Variants in GRID1 observed in about 807,000 individuals in gnomAD.
GRID1 encodes the protein glutamate receptor ionotropic, delta-1.
Under a neutral mutation model 98.0 loss-of-function variants are expected in GRID1, and 28 were observed. The ratio of observed to expected loss-of-function variants is 0.29; its 90% CI spans 0.21 to 0.39. The LOEUF (loss-of-function observed/expected upper bound fraction) is 0.39, where lower values mean the gene tolerates loss of function less well. Ranked by LOEUF, GRID1 falls within the 10% of genes least tolerant of loss-of-function variation. GRID1 has a pLI of 1.00. For synonymous variants in GRID1, 553 were observed against 538.5 expected, an observed-to-expected ratio of 1.03 and a Z score of -0.37; for missense variants, 1,111 against 1,340.5, an observed-to-expected ratio of 0.83 and a Z score of 2.67.
chr10:86,142,696 C>T (rs531255795), intron 3 of GRID1, among the ~76,000 whole-genome samples: 1 of 152,362 alleles, frequency 6.6e-6, no homozygotes, highest in East Asian at 1.9e-4. Context: ...TGCACGTTTA[C>T]ATAAGCATGT....
At chr10:85,758,732 C>G (rs184581292) in intron 8 of GRID1, among the ~76,000 whole-genome samples, 1 of 152,268 alleles carries the variant, frequency 6.6e-6, no homozygotes, top group East Asian at 1.9e-4. Context: ...AGAATAGTAG[C>G]TCACCACAGC....
At position 85,723,056 on chromosome 10, in the gene GRID1, G is replaced by A. The variant is rs752501900; in HGVS notation, c.1944C>T (p.Tyr648=). Reference sequence around the variant, plus strand: ...TGAGGAAGGCAGCAAGGTTGGCTGTGTAGGAGGAGCACACAATGAGCGTGA... The same window carrying A: ...TGAGGAAGGCAGCAAGGTTGGCTGTATAGGAGGAGCACACAATGAGCGTGA... The part of the protein sequence containing the change: ...WLFTLIVCSS[Y]TANLAAFLTV... Residue 648 remains tyrosine (Y), a synonymous_variant, in exon 12 of 16, where the codon TAC becomes TAT. Transcript: ENST00000327946. The A allele has an allele frequency of 1.9e-6, 3 of 1,612,868 alleles. No homozygotes were observed. Among genetic ancestry groups the A allele is most frequent in the African/African-American group, 2.7e-5 (2 of 75,058 alleles).
intron 4 of GRID1, among the ~76,000 whole-genome samples, chr10:86,133,899 G>A (rs1041366263): frequency 6.6e-6 from 1 of 152,222 alleles, no homozygotes; most frequent in Non-Finnish European, 1.5e-5. Flanking sequence ...AGAAGGAGCA[G>A]CAACTCTTCT....
intron 2 of GRID1, among the ~76,000 whole-genome samples, chr10:86,226,181 G>A (rs1363174660): frequency 3.3e-5 from 5 of 151,888 alleles, no homozygotes; most frequent in Admixed American, 6.6e-5. Flanking sequence ...CCTGTTTCCC[G>A]CACAGACCTA....
intron 2 of GRID1, among the ~76,000 whole-genome samples, chr10:86,286,002 A>G (rs565678223): frequency 6.6e-6 from 1 of 152,336 alleles, no homozygotes; most frequent in African/African-American, 2.4e-5. Context: ...TGGTATAAGT[A>G]TAGGTGAGAT....
intron 8 of GRID1, among the ~76,000 whole-genome samples, chr10:85,739,769 T>A (rs1271289032): frequency 6.6e-6 from 1 of 152,126 alleles, no homozygotes; most frequent in African/African-American, 2.4e-5. Flanking sequence ...TAACTGCAAA[T>A]AGCTCCATGG....
chr10:86,142,037 T>C (rs1200882380), intron 3 of GRID1, among the ~76,000 whole-genome samples: 1 of 152,190 alleles, frequency 6.6e-6, no homozygotes, highest in Non-Finnish European at 1.5e-5. Flanking sequence ...GTTGAAAAAG[T>C]GTTTGTGCAT....
At chr10:86,250,252 A>T (rs1279820657) in intron 2 of GRID1, among the ~76,000 whole-genome samples, 1 of 152,188 alleles carries the variant, frequency 6.6e-6, no homozygotes, top group East Asian at 1.9e-4. Context: ...TGTTCCAGGC[A>T]TTCAAGGTGG....
intron 10 of GRID1, among the ~76,000 whole-genome samples, chr10:85,725,201 GT>G (rs1316804839): frequency 6.6e-6 from 1 of 152,122 alleles, no homozygotes; most frequent in African/African-American, 2.4e-5. Context: ...CTACAACTAT[GT>G]TAGACCTCAT....
intron 3 of GRID1, among the ~76,000 whole-genome samples, chr10:86,150,335 C>T (rs1845147283): frequency 6.6e-6 from 1 of 152,152 alleles, no homozygotes; most frequent in Admixed American, 6.5e-5. Context: ...GTGAGGAAGG[C>T]TAACCATACC....
intron 4 of GRID1, among the ~76,000 whole-genome samples, chr10:86,102,712 A>G (rs946560634): frequency 2.6e-5 from 4 of 152,208 alleles, no homozygotes; most frequent in African/African-American, 9.6e-5. Context: ...GCCATGTGGA[A>G]CCGTGAATCT....
intron 3 of GRID1, among the ~76,000 whole-genome samples, chr10:86,170,713 A>G (rs1845472977): frequency 6.6e-6 from 1 of 152,206 alleles, no homozygotes; most frequent in Non-Finnish European, 1.5e-5. Context: ...CAAGTGCCAG[A>G]AGACAACTGC....
chr10:85,763,235 C>A (rs1006793874), intron 8 of GRID1, among the ~76,000 whole-genome samples: 3 of 152,162 alleles, frequency 2.0e-5, no homozygotes, highest in African/African-American at 7.2e-5. Context: ...TATTTTACAT[C>A]TTGGAATAAA....
rs186886877 is a variant in GRID1, at chr10:86,077,272, A to G, written c.726+61547T>C. 4.1e-3 allele frequency among the ~76,000 whole-genome samples: 558 copies of G among 137,296 alleles called. 30 individuals are homozygous for G. The highest frequency in any genetic ancestry group is 0.014 in the African/African-American group (524 of 37,288). 90.1% of individuals were successfully genotyped at this position (137,296 alleles called of 152,430 possible). ...GTGATACTCAGTGGCTCATTCCCAC[A>G]CTTGCTCCAAATCACCTACAGAATA... On this transcript the variant is annotated intron_variant, in intron 4 of 15. Transcript: ENST00000327946.
intron 2 of GRID1, among the ~76,000 whole-genome samples, chr10:86,286,540 G>C (rs114788649): frequency 0.012 from 1,795 of 152,316 alleles, 43 homozygotes; most frequent in African/African-American, 0.041. Flanking sequence ...GCAGGAATTT[G>C]CAGTACAGGA....
chr10:86,113,602 T>A (rs1002426354), intron 4 of GRID1, among the ~76,000 whole-genome samples: 2 of 152,132 alleles, frequency 1.3e-5, no homozygotes, highest in Non-Finnish European at 2.9e-5. Flanking sequence ...CTCTCTCACA[T>A]AAAATGCAAG....
At chr10:85,807,171 A>G (rs574903046) in intron 8 of GRID1, among the ~76,000 whole-genome samples, 3 of 151,864 alleles carry the variant, frequency 2.0e-5, no homozygotes, top group Admixed American at 6.6e-5. Context: ...CCAACATGGC[A>G]AAACACCATC....
At chr10:86,104,261 G>C (rs1366817856) in intron 4 of GRID1, among the ~76,000 whole-genome samples, 1 of 152,220 alleles carries the variant, frequency 6.6e-6, no homozygotes, top group Non-Finnish European at 1.5e-5. Context: ...TCAGGGTGCA[G>C]TTGGGACCCC....
intron 3 of GRID1, among the ~76,000 whole-genome samples, chr10:86,149,945 T>C (rs1845139957): frequency 6.6e-6 from 1 of 152,238 alleles, no homozygotes; most frequent in South Asian, 2.1e-4. Flanking sequence ...TTCCCTTCCA[T>C]CAGCTAAGTG....
Sources: allele counts gnomAD v4.1 joint callset (sites outside exome capture counted in the v4.1 genomes callset), GRCh38; gene constraint gnomAD v4.1.1; transcripts MANE v1.5; gene names NCBI Gene and HGNC (gene_info 2026-07-23, HGNC 2026-07-21).